LRRC9: variants seen among roughly 807,000 people sequenced by gnomAD.
LRRC9 encodes leucine-rich repeat-containing protein 9.
LRRC9 carries 122 observed loss-of-function variants against 63.2 expected under a neutral mutation model. That is an observed-to-expected ratio of 1.93 (90% CI 1.67 to 2.24). LRRC9 has a LOEUF of 2.24. Among genes scored for constraint, LRRC9 ranks in the 30% most tolerant of loss-of-function variants. The probability of loss-of-function intolerance (pLI) is 0.00; values close to 1 mark genes in which losing one functional copy is unlikely to be tolerated. For synonymous variants in LRRC9, 366 were observed against 213.1 expected, an observed-to-expected ratio of 1.72 and a Z score of -6.25; for missense variants, 1,071 against 627.7, an observed-to-expected ratio of 1.71 and a Z score of -7.55.
At chr14:60,056,983 G>A (rs1257507956) in intron 30 of LRRC9, among the ~76,000 whole-genome samples, 1 of 152,122 alleles carries the variant, frequency 6.6e-6, no homozygotes, top group African/African-American at 2.4e-5. Context: ...GATTAGTGAT[G>A]GGAAGAAACT....
At chr14:59,946,516 T>A (rs35346401) in intron 8 of LRRC9, among the ~76,000 whole-genome samples, 15 of 149,626 alleles carry the variant, frequency 1.0e-4, no homozygotes, top group South Asian at 4.2e-4. Flanking sequence ...TTTTTTTTTT[T>A]AAATTATACT....
chr14:60,063,173 G>A (rs1743463283), intron 31 of LRRC9, 150 bp from the exon 33 acceptor site: 4 of 575,608 alleles, frequency 6.9e-6, no homozygotes, highest in South Asian at 5.8e-5. Context: ...CGGATTACAG[G>A]TGTGAGCCAC....
rs554178300 is a variant in LRRC9 at position 60,034,195 on chromosome 14, T to C, written c.3990+2132T>C. 3.8e-4 allele frequency among the ~76,000 whole-genome samples: 58 copies of C among 151,794 alleles called. 2 individuals are homozygous for C. Among genetic ancestry groups the C allele is most frequent in the Admixed American group, 3.5e-3 (54 of 15,230 alleles). On this transcript the variant is annotated intron_variant, in intron 29 of 31. Coordinates refer to ENST00000445360, the Ensembl canonical transcript of LRRC9. ...TCCATGCCTGGCTAATTTTTTGTAT[T>C]TTTAGTAGAGACAGAGTTTCACCAT...
At chr14:60,013,459 T>C (rs1890420241) in intron 23 of LRRC9, among the ~76,000 whole-genome samples, 1 of 152,186 alleles carries the variant, frequency 6.6e-6, no homozygotes, top group Non-Finnish European at 1.5e-5. Context: ...ATCCAGATTA[T>C]TCAAGATTAT....
At chr14:59,920,078 T>C (rs1248202831) in intron 1 of LRRC9, 66 bp from the exon 1 acceptor site, 2 of 152,064 alleles carry the variant, frequency 1.3e-5, no homozygotes, top group Non-Finnish European at 2.9e-5. Context: ...CCGCCCCTTT[T>C]CTCCTCCTCC....
At chr14:59,996,359 T>C (rs540056287) in intron 17 of LRRC9, among the ~76,000 whole-genome samples, 1 of 152,320 alleles carries the variant, frequency 6.6e-6, no homozygotes, top group Non-Finnish European at 1.5e-5. Flanking sequence ...GAAATTTTTT[T>C]AGGTTTTAAT....
At position 59,961,252 on chromosome 14, in the gene LRRC9, C is replaced by T. The variant is rs376749534; in HGVS notation, c.1211+207C>T. ...CTATACATTTCTGTTTATGCCATTA[C>T]CGTGAGCCAACCTTGAAGACATCCT... On this transcript the variant is annotated intron_variant, in intron 10 of 31. Transcript: ENST00000445360. Among the ~76,000 whole-genome samples, 13 of 152,254 alleles carry T rather than the reference C, an allele frequency of 8.5e-5. No individual in the cohort carries two copies. In the East Asian group the frequency reaches 2.5e-3, roughly 29 times the overall value.
chr14:60,043,976 T>A (rs28839307), intron 29 of LRRC9, among the ~76,000 whole-genome samples: 147 of 152,008 alleles, frequency 9.7e-4, no homozygotes, highest in African/African-American at 3.3e-3. Flanking sequence ...AGCTTCTATT[T>A]CATTACTTGT....
At position 60,057,989 on chromosome 14, in the gene LRRC9, G is replaced by T; in HGVS notation, c.4243G>T (p.Gly1415Ter). The T allele has an allele frequency of 1.5e-6, 1 of 662,256 alleles. No individual in the cohort carries two copies. The highest frequency in any genetic ancestry group is 2.8e-6 in the Non-Finnish European group (1 of 357,202). 41.0% of individuals were successfully genotyped at this position (662,256 alleles called of 1,614,324 possible). A position where few individuals can be genotyped will look rare whatever the true frequency, so the allele number is the denominator to read the frequency against. The stretch of plus-strand genomic sequence containing the variant: ...GCCTAGTGGATTCAGCCATTACTTG[G>T]GATCTGACGTCACTTTAACTCCTGA... The change falls in exon 31 of 32, where the codon GGA (glycine) becomes TGA (stop). Residue 1415 changes from glycine to a stop codon, truncating the protein, a stop_gained. Coordinates refer to ENST00000445360, the Ensembl canonical transcript of LRRC9. LOFTEE classifies it high-confidence loss of function.
chr14:60,003,760 A>G lies in LRRC9; in HGVS notation c.2804A>G (p.Glu935Gly), dbSNP rs577284100. 5.5e-5 allele frequency: 36 copies of G among 659,796 alleles called. No individual in the cohort carries two copies. In the South Asian group the frequency reaches 6.2e-4, roughly 11 times the overall value. 40.9% of individuals were successfully genotyped at this position (659,796 alleles called of 1,614,324 possible). ...CTGGAATCCTGTATTAACTTGGAAG[A>G]GCTCACATTAGATGGAAACTGCATC... The change falls in exon 21 of 32, where the codon GAG becomes GGG. Residue 935 changes from glutamate to glycine, a missense_variant. Transcript: ENST00000445360. This position sits in a 1 kb window ranked among gnomAD's most constrained non-coding sequence, Gnocchi z 4.2.
chr14:59,994,626 C>T (rs219358), intron 17 of LRRC9, among the ~76,000 whole-genome samples: 1 of 151,978 alleles, frequency 6.6e-6, no homozygotes, highest in Non-Finnish European at 1.5e-5. Flanking sequence ...GTCCAACAAT[C>T]ATAGACTGGA....
intron 29 of LRRC9, among the ~76,000 whole-genome samples, chr14:60,039,421 A>G (rs1170488250): frequency 4.6e-5 from 7 of 152,172 alleles, no homozygotes; most frequent in Admixed American, 4.6e-4. Flanking sequence ...TAGGCTATTA[A>G]TTATTGCCTC....
intron 22 of LRRC9, 97 bp from the exon 23 acceptor site, chr14:60,007,995 G>A: frequency 2.2e-6 from 1 of 460,408 alleles, no homozygotes; most frequent in Non-Finnish European, 3.8e-6. Flanking sequence ...CCCATGGAAT[G>A]ATAGATAATT....
intron 23 of LRRC9, among the ~76,000 whole-genome samples, chr14:60,013,803 C>T (rs961862740): frequency 2.6e-5 from 4 of 152,126 alleles, no homozygotes; most frequent in South Asian, 2.1e-4. Flanking sequence ...TTATTATATT[C>T]GAAGTGAGTT....
At chr14:60,006,777 C>A (rs1889842911) in intron 22 of LRRC9, 160 bp downstream of exon 22, 1 of 490,834 alleles carries the variant, frequency 2.0e-6, no homozygotes, top group Non-Finnish European at 3.6e-6. Flanking sequence ...ATGTTGTATA[C>A]ATACAAAAAT....
chr14:59,929,645 T>G (rs1566780416), intron 3 of LRRC9, among the ~76,000 whole-genome samples: 1 of 152,162 alleles, frequency 6.6e-6, no homozygotes, highest in Non-Finnish European at 1.5e-5. Flanking sequence ...ATTACAGCAG[T>G]ATTCACTAGC....
intron 15 of LRRC9, among the ~76,000 whole-genome samples, chr14:59,978,705 A>T (rs1202294837): frequency 6.6e-6 from 1 of 152,172 alleles, no homozygotes; most frequent in African/African-American, 2.4e-5. Context: ...TACTGTGTCC[A>T]TATTTATTAT....
chr14:59,997,914 T>G, intron 18 of LRRC9, 67 bp downstream of exon 18: 1 of 602,712 alleles, frequency 1.7e-6, no homozygotes, highest in East Asian at 2.8e-5. Context: ...CTACTAACTT[T>G]ACTATTTAGT....
In LRRC9 at chr14:59,953,819, T is replaced by A. The variant is rs192497578; in HGVS notation, c.883-5999T>A. On this transcript the variant is annotated intron_variant, in intron 8 of 31. Coordinates refer to ENST00000445360, the Ensembl canonical transcript of LRRC9. ...GTTTTACATTTAAGTCTTTGATTCA[T>A]CTTGAGTTACATTTTGTATAAGGCT... 2.6e-5 allele frequency among the ~76,000 whole-genome samples: 4 copies of A among 152,332 alleles called. No individual in the cohort carries two copies. In the South Asian group the frequency reaches 6.2e-4, roughly 24 times the overall value.
Sources: allele counts gnomAD v4.1 joint callset (sites outside exome capture counted in the v4.1 genomes callset), GRCh38; gene constraint gnomAD v4.1.1; non-coding constraint Gnocchi (gnomAD v3.1); transcripts MANE v1.5; gene names NCBI Gene and HGNC (gene_info 2026-07-23, HGNC 2026-07-21).